KCNAB1: variants seen among roughly 807,000 people sequenced by gnomAD.
KCNAB1 encodes potassium voltage-gated channel subfamily A regulatory beta subunit 1.
A neutral mutation model predicts 64.6 loss-of-function variants in KCNAB1; 35 were observed. That is an observed-to-expected ratio of 0.54 (90% CI 0.41 to 0.72). The LOEUF (loss-of-function observed/expected upper bound fraction) is 0.72, where lower values mean the gene tolerates loss of function less well. Among genes scored for constraint, KCNAB1 ranks in the 30% least tolerant of loss-of-function variants. The probability of loss-of-function intolerance (pLI) is 0.00; values close to 1 mark genes in which losing one functional copy is unlikely to be tolerated. For synonymous variants in KCNAB1, 177 were observed against 183.8 expected (o/e 0.96, Z 0.30); for missense variants, 401 against 512.9 (o/e 0.78, Z 2.11).
chr3:156,209,323 G>A (rs1714871209), intron 1 of KCNAB1, among the ~76,000 whole-genome samples: 1 of 152,168 alleles, frequency 6.6e-6, no homozygotes, highest in Non-Finnish European at 1.5e-5. Flanking sequence ...GAAACAGACT[G>A]TACTTATGTT....
chr3:156,342,589 T>C (rs923542608), intron 1 of KCNAB1, among the ~76,000 whole-genome samples: 15 of 126,278 alleles, frequency 1.2e-4, no homozygotes, highest in East Asian at 2.1e-4. Context: ...GTGTTTCTTT[T>C]TTTTTTTTTT....
intron 1 of KCNAB1, among the ~76,000 whole-genome samples, chr3:156,411,048 T>C (rs1714620596): frequency 6.6e-6 from 1 of 152,230 alleles, no homozygotes; most frequent in South Asian, 2.1e-4. Flanking sequence ...GCTGTACCAT[T>C]TTGCATATCA....
chr3:156,329,051 A>T (rs1338523143), intron 1 of KCNAB1, among the ~76,000 whole-genome samples: 2 of 152,186 alleles, frequency 1.3e-5, no homozygotes, highest in East Asian at 3.8e-4. Flanking sequence ...GGTTTAAAAA[A>T]AACTTCCTTT....
intron 1 of KCNAB1, among the ~76,000 whole-genome samples, chr3:156,400,776 C>G (rs1171740941): frequency 2.0e-5 from 3 of 152,198 alleles, no homozygotes; most frequent in Non-Finnish European, 4.4e-5. Flanking sequence ...CACCTTCTCT[C>G]CACTCAGGTC....
intron 1 of KCNAB1, among the ~76,000 whole-genome samples, chr3:156,268,808 T>A (rs779890077): frequency 1.3e-5 from 2 of 152,194 alleles, no homozygotes; most frequent in Non-Finnish European, 2.9e-5. Context: ...TCTCCCAGTA[T>A]CTCTTCACTT....
chr3:156,248,180 A>G (rs1247846391), intron 1 of KCNAB1, among the ~76,000 whole-genome samples: 2 of 152,228 alleles, frequency 1.3e-5, no homozygotes, highest in East Asian at 3.8e-4. Context: ...CAATGAAACT[A>G]TATTCCATAT....
At chr3:156,147,788 C>T (rs1377303338) in intron 1 of KCNAB1, among the ~76,000 whole-genome samples, 1 of 152,024 alleles carries the variant, frequency 6.6e-6, no homozygotes, top group Non-Finnish European at 1.5e-5. Context: ...AATTGAGGCT[C>T]AGAGATGTTG....
chr3:156,259,742 A>G (rs887661584), intron 1 of KCNAB1, among the ~76,000 whole-genome samples: 3 of 152,146 alleles, frequency 2.0e-5, no homozygotes, highest in African/African-American at 4.8e-5. Context: ...TGTGCCCAGT[A>G]TCTTTAACTA....
intron 1 of KCNAB1, among the ~76,000 whole-genome samples, chr3:156,363,924 C>A (rs1041292054): frequency 6.6e-6 from 1 of 152,194 alleles, no homozygotes; most frequent in Non-Finnish European, 1.5e-5. Flanking sequence ...CATACCATTT[C>A]CACTGTAGCC....
At chr3:156,296,248 T>G (rs576125018) in intron 1 of KCNAB1, among the ~76,000 whole-genome samples, 1 of 152,256 alleles carries the variant, frequency 6.6e-6, no homozygotes, top group African/African-American at 2.4e-5. Context: ...TTTGGTTGGT[T>G]TGGGTTTTGT....
chr3:156,461,640 G>A (rs1712917505), intron 5 of KCNAB1, among the ~76,000 whole-genome samples: 2 of 152,168 alleles, frequency 1.3e-5, no homozygotes, highest in African/African-American at 4.8e-5. Context: ...CAAGGCGTAG[G>A]CTGCTGGAGT....
chr3:156,152,362 G>A (rs1031349416), intron 1 of KCNAB1, among the ~76,000 whole-genome samples: 1 of 152,204 alleles, frequency 6.6e-6, no homozygotes, highest in African/African-American at 2.4e-5. Context: ...CCATAAATGA[G>A]CTGGGTTAGG....
intron 8 of KCNAB1, among the ~76,000 whole-genome samples, chr3:156,488,775 T>TA (rs1288489306): frequency 6.6e-6 from 1 of 151,968 alleles, no homozygotes; most frequent in Non-Finnish European, 1.5e-5. Flanking sequence ...GGAGATATGT[T>TA]AAAAAATGGT....
intron 3 of KCNAB1, chr3:156,456,255 G>C (rs1055237494): frequency 6.6e-6 from 1 of 151,856 alleles, no homozygotes; most frequent in Non-Finnish European, 1.5e-5. Context: ...TCTTCATCCA[G>C]AATTCTCCAT....
intron 2 of KCNAB1, among the ~76,000 whole-genome samples, chr3:156,450,944 CT>C (rs1285589220): frequency 6.9e-6 from 1 of 145,034 alleles, no homozygotes; most frequent in Non-Finnish European, 1.5e-5. Flanking sequence ...TCATTTTCCT[CT>C]TCTTTTTACA....
intron 1 of KCNAB1, among the ~76,000 whole-genome samples, chr3:156,332,975 T>G (rs1723444560): frequency 6.6e-6 from 1 of 152,172 alleles, no homozygotes; most frequent in South Asian, 2.1e-4. Context: ...CTATTAACAC[T>G]TTGTGGAGTT....
At chr3:156,247,194 C>T (rs1310755614) in intron 1 of KCNAB1, among the ~76,000 whole-genome samples, 1 of 152,160 alleles carries the variant, frequency 6.6e-6, no homozygotes, top group Admixed American at 6.5e-5. Flanking sequence ...CTCGTGGTTG[C>T]TTAGTCTCCA....
intron 8 of KCNAB1, among the ~76,000 whole-genome samples, chr3:156,494,646 A>ACT (rs3083019): frequency 0.56 from 84,981 of 151,812 alleles, 24,995 homozygotes; most frequent in African/African-American, 0.74. Context: ...GGGAAAAGAG[A>ACT]CTTCACATTG....
intron 1 of KCNAB1, among the ~76,000 whole-genome samples, chr3:156,134,682 T>C (rs1000036568): frequency 6.6e-6 from 1 of 152,248 alleles, no homozygotes; most frequent in Non-Finnish European, 1.5e-5. Context: ...GAATAAACCA[T>C]AGAGATTTTA....
Sources: allele counts gnomAD v4.1 joint callset (sites outside exome capture counted in the v4.1 genomes callset), GRCh38; gene constraint gnomAD v4.1.1; transcripts MANE v1.5; gene names NCBI Gene and HGNC (gene_info 2026-07-23, HGNC 2026-07-21).